TMEM120A: variants seen among roughly 807,000 people sequenced by gnomAD.
TMEM120A encodes the protein ion channel TACAN.
A neutral mutation model predicts 54.3 loss-of-function variants in TMEM120A; 45 were observed. The ratio of observed to expected loss-of-function variants is 0.83; its 90% CI spans 0.65 to 1.06. TMEM120A has a LOEUF of 1.06. Ranked by LOEUF, TMEM120A falls within the 50% of genes least tolerant of loss-of-function variation. The pLI is 0.00. For synonymous variants in TMEM120A, 204 were observed against 178.5 expected (o/e 1.14, Z -1.14); for missense variants, 424 against 441.7 (o/e 0.96, Z 0.36).
At chr7:75,989,942 C>A (rs1178496591) in intron 3 of TMEM120A, among the ~76,000 whole-genome samples, 1 of 152,168 alleles carries the variant, frequency 6.6e-6, no homozygotes, top group Non-Finnish European at 1.5e-5. Context: ...CAAGAGGTGA[C>A]AGCAAAGTCA....
At chr7:75,988,584 G>T in intron 4 of TMEM120A, 68 bp from the exon 5 acceptor site, 1 of 1,144,354 alleles carries the variant, frequency 8.7e-7, no homozygotes, top group Non-Finnish European at 1.3e-6. Context: ...CACCCCGGGA[G>T]GGCAGCTGAG....
rs372123680 is a variant in TMEM120A at position 75,987,832 on chromosome 7, G to A, written c.692-22C>T. 6.8e-4 allele frequency: 1,090 copies of A among 1,608,728 alleles called. 2 individuals are homozygous for A. Among genetic ancestry groups the A allele is most frequent in the Non-Finnish European group, 8.1e-4 (954 of 1,178,240 alleles). On this transcript the variant is annotated intron_variant, in intron 8 of 11. Coordinates refer to ENST00000493111, the MANE Select transcript of TMEM120A (RefSeq NM_031925.3). ...AAGCCTGGGCCGGGCGGAGGACAGAGGAGCAGGGCTGAGCCCCGGGAGGGG... is the reference window on the plus strand; with the variant it reads ...AAGCCTGGGCCGGGCGGAGGACAGAAGAGCAGGGCTGAGCCCCGGGAGGGG...
rs782006094 is a variant in TMEM120A at position 75,994,564 on chromosome 7, G to T, written c.7C>A (p.Pro3Thr). The T allele has an allele frequency of 6.5e-7, 1 of 1,542,862 alleles. No homozygotes were observed. The highest frequency in any genetic ancestry group is 1.4e-5 in the African/African-American group (1 of 71,600). ...TCGCCCAGCGGGCCCGGGGGCGGGG[G>T]CTGCATGGCTGCAGCGCCAGTAGCC... MQ[P>T]PPPGPLGDCL... is the part of the protein sequence containing the mutation. The change falls in exon 1 of 12, where the codon CCC becomes ACC. Residue 3 changes from proline to threonine, a missense_variant. By Grantham distance (38) the Pro-to-Thr change is conservative. Coordinates refer to ENST00000493111, the MANE Select transcript of TMEM120A (RefSeq NM_031925.3).
At chr7:75,993,035 CA>C (rs1554562225) in intron 1 of TMEM120A, among the ~76,000 whole-genome samples, 2 of 152,192 alleles carry the variant, frequency 1.3e-5, no homozygotes, top group African/African-American at 4.8e-5. Context: ...CTCCTGACCT[CA>C]GGTGATCTGC....
In TMEM120A at chr7:75,987,158, G is replaced by C. The variant is rs782726684; in HGVS notation, c.*14C>G. The C allele has an allele frequency of 1.3e-6, 2 of 1,582,382 alleles. No individual in the cohort carries two copies. The highest frequency in any genetic ancestry group is 3.6e-5 in the Admixed American group (2 of 55,232). ...GACAGAAGCCCCTCTGGGCCGGCAGGGGAAGGCCCAGCCTCAATCCTTCTT... is the reference window on the plus strand; with the variant it reads ...GACAGAAGCCCCTCTGGGCCGGCAGCGGAAGGCCCAGCCTCAATCCTTCTT... On this transcript the variant is annotated 3_prime_UTR_variant, in exon 12 of 12. Transcript: ENST00000493111.
chr7:75,992,598 T>C lies in TMEM120A; in HGVS notation c.82-41A>G, dbSNP rs59154062. On this transcript the variant is annotated intron_variant, in intron 1 of 11. Coordinates refer to ENST00000493111, the MANE Select transcript of TMEM120A (RefSeq NM_031925.3). Reference sequence around the variant, plus strand: ...GAGAGGCTCAGGCCAGTTGGGGAGCTACTGAGCCAGAGCCTGCAGGCAGGA... The same window carrying C: ...GAGAGGCTCAGGCCAGTTGGGGAGCCACTGAGCCAGAGCCTGCAGGCAGGA... 3,600 of 1,460,686 alleles carry C rather than the reference T, an allele frequency of 2.5e-3. 82 individuals are homozygous for C. In the African/African-American group the frequency reaches 0.039, roughly 16 times the overall value. The allele number at this position is 1,460,686 out of a possible 1,614,324, so 90.5% of individuals were successfully genotyped here.
At chr7:75,990,766 G>A (rs1182225367) in intron 3 of TMEM120A, among the ~76,000 whole-genome samples, 2 of 151,710 alleles carry the variant, frequency 1.3e-5, no homozygotes, top group Non-Finnish European at 2.9e-5. Context: ...GGGTGTGGTG[G>A]CGGGCACCTG....
chr7:75,994,321 G>A (rs1452957170), intron 1 of TMEM120A, among the ~76,000 whole-genome samples, 169 bp downstream of exon 1: 1 of 152,112 alleles, frequency 6.6e-6, no homozygotes, highest in Non-Finnish European at 1.5e-5. Flanking sequence ...CACTGGAGGT[G>A]GTGGCAGTGG....
chr7:75,991,864 C>T (rs1472643493), intron 3 of TMEM120A, among the ~76,000 whole-genome samples: 1 of 152,140 alleles, frequency 6.6e-6, no homozygotes, highest in Non-Finnish European at 1.5e-5. Context: ...TTCTGTAAGA[C>T]TCAGCCCACC....
In TMEM120A at chr7:75,988,484, T is replaced by C. The variant is rs1789651066; in HGVS notation, c.410A>G (p.Lys137Arg). 6.2e-7 allele frequency: 1 copy of C among 1,608,854 alleles called. No individual in the cohort carries two copies. Among genetic ancestry groups the C allele is most frequent in the Non-Finnish European group, 8.5e-7 (1 of 1,179,070 alleles). ...FAYKDEYEKF[K>R]LYLTIILILI... ...GATGAGGATGATGGTGAGGTAGAGC[T>C]TGAACTTCTCATACTCGTCCTTGTA... Residue 137 changes from lysine (K) to arginine (R), a missense_variant, in exon 5 of 12, where the codon AAG (lysine) becomes AGG (arginine). By Grantham distance (26) the Lys-to-Arg change is conservative. Coordinates refer to ENST00000493111, the MANE Select transcript of TMEM120A (RefSeq NM_031925.3).
At position 75,989,123 on chromosome 7, in the gene TMEM120A, T is replaced by G. The variant is rs782481299; in HGVS notation, c.377+42A>C. 1,565 of 205,798 alleles carry G rather than the reference T, an allele frequency of 7.6e-3. 26 individuals are homozygous for G. The highest frequency in any genetic ancestry group is 0.029 in the African/African-American group (191 of 6,546). 12.7% of individuals were successfully genotyped at this position (205,798 alleles called of 1,614,324 possible). A position where few individuals can be genotyped will look rare whatever the true frequency, so the allele number is the denominator to read the frequency against. On this transcript the variant is annotated intron_variant, in intron 4 of 11. Transcript: ENST00000493111. ...GGGGAGGGGGGTAGGGGGCTAGGGG[T>G]GGAGGGGTGGAGGTTGGGGGGTGGA...
chr7:75,992,121 G>A (rs113789316), intron 3 of TMEM120A, 23 bp downstream of exon 3: 21 of 1,532,046 alleles, frequency 1.4e-5, no homozygotes, highest in African/African-American at 9.6e-5. Flanking sequence ...AACTGAGCTG[G>A]GGGTGGCGGT....
At chr7:75,990,462 G>A (rs1165417640) in intron 3 of TMEM120A, among the ~76,000 whole-genome samples, 2 of 152,078 alleles carry the variant, frequency 1.3e-5, no homozygotes, top group Non-Finnish European at 2.9e-5. Context: ...TTCTCAGCAG[G>A]TGGATGTGCT....
In TMEM120A at chr7:75,994,594, G is replaced by C. The variant is rs1332246018; in HGVS notation, c.-24C>G. On this transcript the variant is annotated 5_prime_UTR_variant, in exon 1 of 12. Transcript: ENST00000493111. Reference sequence around the variant, plus strand: ...ATGGCTGCAGCGCCAGTAGCCAGTAGTGGAGGACGGCGCAGCAACCCCGGC... The same window carrying C: ...ATGGCTGCAGCGCCAGTAGCCAGTACTGGAGGACGGCGCAGCAACCCCGGC... 19 of 1,500,354 alleles carry C rather than the reference G, an allele frequency of 1.3e-5. No individual in the cohort carries two copies. The Admixed American group carries it at 4.0e-4, about 32-fold the overall frequency. The allele number at this position is 1,500,354 out of a possible 1,614,324, so 92.9% of individuals were successfully genotyped here. A position where few individuals can be genotyped will look rare whatever the true frequency, so the allele number is the denominator to read the frequency against.
intron 1 of TMEM120A, among the ~76,000 whole-genome samples, chr7:75,993,626 G>A (rs1789928654): frequency 6.6e-6 from 1 of 152,230 alleles, no homozygotes; most frequent in Non-Finnish European, 1.5e-5. Flanking sequence ...GGAAGCAGTT[G>A]GAACCAGTCC....
In TMEM120A at chr7:75,987,372, G is replaced by C; in HGVS notation, c.906C>G (p.Cys302Trp). ...GACCCCGGCTCACCTGCCACTCCTT[G>C]CACTGAGGGTCCTGGGCCAGGTTGA... Reference protein sequence around the residue: ...TLFNLAQDPQCKEWQVLMCGF... With the variant: ...TLFNLAQDPQWKEWQVLMCGF... The change falls in exon 11 of 12, where the codon TGC (cysteine) becomes TGG (tryptophan). Residue 302 changes from cysteine (C) to tryptophan (W), a missense_variant. Cys to Trp is a radical substitution (Grantham distance 215). Coordinates refer to ENST00000493111, the MANE Select transcript of TMEM120A (RefSeq NM_031925.3). 6.4e-7 allele frequency: 1 copy of C among 1,566,126 alleles called. No individual in the cohort carries two copies. Among genetic ancestry groups the C allele is most frequent in the Non-Finnish European group, 8.6e-7 (1 of 1,156,338 alleles).
chr7:75,994,533 A>T lies in TMEM120A; in HGVS notation c.38T>A (p.Leu13Gln). 6.4e-7 allele frequency: 1 copy of T among 1,563,248 alleles called. No homozygotes were observed. Among genetic ancestry groups the T allele is most frequent in the Non-Finnish European group, 8.7e-7 (1 of 1,155,518 alleles). The change falls in exon 1 of 12, where the codon CTG becomes CAG. Residue 13 changes from leucine to glutamine, a missense_variant. Transcript: ENST00000493111. ...PPPPGPLGDC[L>Q]RDWEDLQQDF... ...CTGCTGTAGATCCTCCCAGTCCCGCAGGCAGTCGCCCAGCGGGCCCGGGGG... is the reference window on the plus strand; with the variant it reads ...CTGCTGTAGATCCTCCCAGTCCCGCTGGCAGTCGCCCAGCGGGCCCGGGGG...
chr7:75,992,599 A>C, intron 1 of TMEM120A, 42 bp from the exon 2 acceptor site: 1 of 1,451,654 alleles, frequency 6.9e-7, no homozygotes, highest in Non-Finnish European at 9.4e-7. Flanking sequence ...TTGGGGAGCT[A>C]CTGAGCCAGA....
intron 1 of TMEM120A, 134 bp from the exon 2 acceptor site, chr7:75,992,691 G>T: frequency 3.1e-6 from 2 of 652,234 alleles, no homozygotes; most frequent in Non-Finnish European, 5.2e-6. Flanking sequence ...GTAGAACTGT[G>T]CCTGCCCAGG....
Sources: gnomAD v4.1 joint callset for allele counts (sites outside exome capture counted in the v4.1 genomes callset) on GRCh38, gnomAD v4.1.1 for gene constraint, MANE v1.5 for transcripts, NCBI Gene and HGNC (gene_info 2026-07-23, HGNC 2026-07-21) for gene names.